SLIT1: variants seen among roughly 807,000 people sequenced by gnomAD.
SLIT1 encodes slit homolog 1 protein.
SLIT1 carries 66 observed loss-of-function variants against 186.1 expected under a neutral mutation model. The ratio of observed to expected loss-of-function variants is 0.35; its 90% CI spans 0.29 to 0.44. SLIT1 has a LOEUF of 0.44. SLIT1 is among the 20% of genes least tolerant of loss of function. The probability of loss-of-function intolerance (pLI) is 1.00; values close to 1 mark genes in which losing one functional copy is unlikely to be tolerated. For synonymous variants in SLIT1, 761 were observed against 833.8 expected (o/e 0.91, Z 1.50); for missense variants, 1,638 against 2,037.4 (o/e 0.80, Z 3.77).
chr10:97,167,645 A>G (rs776701755), intron 1 of SLIT1, among the ~76,000 whole-genome samples: 20 of 152,210 alleles, frequency 1.3e-4, no homozygotes, highest in Non-Finnish European at 2.5e-4. Context: ...ACCCTTTTCT[A>G]AGAGCCGGCT....
intron 4 of SLIT1, among the ~76,000 whole-genome samples, chr10:97,110,878 A>G (rs1390499855): frequency 2.0e-5 from 3 of 152,234 alleles, no homozygotes; most frequent in Non-Finnish European, 2.9e-5. Flanking sequence ...TTCTTTTGTT[A>G]TCAAAAAATC....
chr10:97,176,419 C>T (rs1239395444), intron 1 of SLIT1, among the ~76,000 whole-genome samples: 1 of 152,108 alleles, frequency 6.6e-6, no homozygotes, highest in African/African-American at 2.4e-5. Flanking sequence ...TTCCCCAAGA[C>T]CCCTGGCTCC....
intron 4 of SLIT1, among the ~76,000 whole-genome samples, chr10:97,113,807 C>T (rs1849485480): frequency 1.3e-5 from 2 of 152,162 alleles, no homozygotes; most frequent in Admixed American, 6.5e-5. Context: ...ACGCTCGCCT[C>T]GGCCTCCCAA....
chr10:97,072,108 A>G (rs1010712242), intron 4 of SLIT1, among the ~76,000 whole-genome samples: 1 of 152,140 alleles, frequency 6.6e-6, no homozygotes, highest in Admixed American at 6.5e-5. Context: ...CAGGCCGGGG[A>G]GAGTGATGGG....
At chr10:97,001,840 G>A (rs561298576) in intron 36 of SLIT1, among the ~76,000 whole-genome samples, 132 of 152,106 alleles carry the variant, frequency 8.7e-4, no homozygotes, top group Non-Finnish European at 1.4e-3. Context: ...TCCTGCTGCC[G>A]CTCCCAGGTC....
In SLIT1 at chr10:97,185,466, G is replaced by A. The variant is rs1465453549; in HGVS notation, c.197+12C>T. On this transcript the variant is annotated intron_variant, in intron 1 of 36. Transcript: ENST00000266058. ...TCGGAGCCAGGGAGCCAGGGGCGGGGACCATACTCACAGGCGCTCGGTGTT... is the reference window on the plus strand; with the variant it reads ...TCGGAGCCAGGGAGCCAGGGGCGGGAACCATACTCACAGGCGCTCGGTGTT... 2 of 1,609,750 alleles carry A rather than the reference G, an allele frequency of 1.2e-6. No individual in the cohort carries two copies. Among genetic ancestry groups the A allele is most frequent in the Non-Finnish European group, 1.7e-6 (2 of 1,178,514 alleles).
intron 4 of SLIT1, among the ~76,000 whole-genome samples, chr10:97,091,793 C>T (rs1485170206): frequency 6.6e-6 from 1 of 152,180 alleles, no homozygotes; most frequent in Admixed American, 6.5e-5. Context: ...GGGCTTGGAC[C>T]CCCCTCTGTC....
chr10:97,125,382 A>C (rs1294579097), intron 4 of SLIT1, among the ~76,000 whole-genome samples: 1 of 152,124 alleles, frequency 6.6e-6, no homozygotes, highest in Non-Finnish European at 1.5e-5. Flanking sequence ...CAAAAAATAC[A>C]AAAATTAGCC....
At chr10:97,111,006 A>G (rs1849459183) in intron 4 of SLIT1, among the ~76,000 whole-genome samples, 1 of 152,168 alleles carries the variant, frequency 6.6e-6, no homozygotes, top group Admixed American at 6.5e-5. Context: ...GCTGGCCAAC[A>G]TGGTGAAACC....
At chr10:97,165,710 G>A (rs906010951) in intron 1 of SLIT1, among the ~76,000 whole-genome samples, 2 of 152,232 alleles carry the variant, frequency 1.3e-5, no homozygotes, top group African/African-American at 4.8e-5. Flanking sequence ...AGGATGGGGG[G>A]CCTGACAGGA....
At chr10:97,150,804 C>T (rs763436564) in intron 4 of SLIT1, among the ~76,000 whole-genome samples, 3 of 152,092 alleles carry the variant, frequency 2.0e-5, no homozygotes, top group African/African-American at 4.8e-5. Context: ...ACACCCTGCT[C>T]CCCACCTGAA....
At position 97,002,149 on chromosome 10, in the gene SLIT1, G is replaced by A; in HGVS notation, c.4366+9C>T. 1.4e-6 allele frequency: 2 copies of A among 1,428,194 alleles called. No individual in the cohort carries two copies. Among genetic ancestry groups the A allele is most frequent in the Non-Finnish European group, 9.2e-7 (1 of 1,082,828 alleles). The allele number at this position is 1,428,194 out of a possible 1,614,324, so 88.5% of individuals were successfully genotyped here. A position where few individuals can be genotyped will look rare whatever the true frequency, so the allele number is the denominator to read the frequency against. ...CTGGGGAGGGCACGTCAGGAGGGGG[G>A]CCCCTGACCTTGCTCACACAGCTCG... On this transcript the variant is annotated intron_variant, in intron 36 of 36. Coordinates refer to ENST00000266058, the MANE Select transcript of SLIT1 (RefSeq NM_003061.3).
chr10:97,063,208 T>A (rs1848909246), intron 8 of SLIT1, among the ~76,000 whole-genome samples: 1 of 147,834 alleles, frequency 6.8e-6, no homozygotes, highest in African/African-American at 2.5e-5. Context: ...ATGGTGAGAA[T>A]GGGAGGTGAT....
In SLIT1 at chr10:97,021,368, C is replaced by T; in HGVS notation, c.2628G>A (p.Trp876Ter). ...NPLYCDCHLR[W>*]LSSWVKTGYK... ...AGCCAGTCTTCACCCAGCTGGACAGCCAGCGGAGGTGGCAGTCACAGTATA... is the reference window on the plus strand; with the variant it reads ...AGCCAGTCTTCACCCAGCTGGACAGTCAGCGGAGGTGGCAGTCACAGTATA... The change falls in exon 26 of 37, where the codon TGG becomes TGA. Residue 876 changes from tryptophan to a stop codon, truncating the protein, a stop_gained. Transcript: ENST00000266058. LOFTEE classifies it high-confidence loss of function. This position sits in a 1 kb window ranked among gnomAD's most constrained non-coding sequence, Gnocchi z 4.5. 1 of 1,614,134 alleles carries T rather than the reference C, an allele frequency of 6.2e-7. No homozygotes were observed. The highest frequency in any genetic ancestry group is 8.5e-7 in the Non-Finnish European group (1 of 1,180,006).
At chr10:97,090,605 G>A (rs965918079) in intron 4 of SLIT1, among the ~76,000 whole-genome samples, 8 of 147,904 alleles carry the variant, frequency 5.4e-5, no homozygotes, top group African/African-American at 2.0e-4. Context: ...GTTGGGGGGG[G>A]CAGTGAAAGC....
At chr10:97,055,618 C>A (rs760282808) in intron 13 of SLIT1, among the ~76,000 whole-genome samples, 4 of 152,210 alleles carry the variant, frequency 2.6e-5, no homozygotes, top group Non-Finnish European at 4.4e-5. Flanking sequence ...AATCCTCCTG[C>A]CTCAGCCTCC....
intron 1 of SLIT1, among the ~76,000 whole-genome samples, chr10:97,171,096 G>A (rs1404708610): frequency 1.3e-5 from 2 of 152,162 alleles, no homozygotes; most frequent in Admixed American, 6.5e-5. Flanking sequence ...TGCTGTCACC[G>A]AATAAGACAA....
In SLIT1 at chr10:97,165,102, C is replaced by T. The variant is rs574108238; in HGVS notation, c.198-212G>A. ...CCCACTGGAACCGCAGGGCACAGGG[C>T]GCATCACTGGGAGTGCTGTGGAAAC... On this transcript the variant is annotated intron_variant, in intron 1 of 36. Coordinates refer to ENST00000266058, the MANE Select transcript of SLIT1 (RefSeq NM_003061.3). Among the ~76,000 whole-genome samples the T allele has an allele frequency of 3.9e-5, 6 of 152,272 alleles. No individual in the cohort carries two copies. In the South Asian group the frequency reaches 1.0e-3, roughly 26 times the overall value.
chr10:97,037,390 C>T (rs961374215), intron 22 of SLIT1, among the ~76,000 whole-genome samples: 2 of 152,114 alleles, frequency 1.3e-5, no homozygotes, highest in African/African-American at 2.4e-5. Flanking sequence ...TGTGAGCCAC[C>T]GTGCCCGCCC....
Sources: allele counts gnomAD v4.1 joint callset (sites outside exome capture counted in the v4.1 genomes callset), GRCh38; gene constraint gnomAD v4.1.1; non-coding constraint Gnocchi (gnomAD v3.1); transcripts MANE v1.5; gene names NCBI Gene and HGNC (gene_info 2026-07-23, HGNC 2026-07-21).